The following PFKL variants were observed in gnomAD, a reference collection of about 807,000 sequenced individuals.
The protein encoded by PFKL is phosphofructokinase, liver type.
PFKL carries 74 observed loss-of-function variants against 92.1 expected under a neutral mutation model. The ratio of observed to expected loss-of-function variants is 0.80; its 90% CI spans 0.67 to 0.97. PFKL has a LOEUF of 0.97. PFKL is among the 50% of genes least tolerant of loss of function. PFKL has a pLI of 0.00. For missense variants in PFKL, 1,028 were observed against 1,116.6 expected (o/e 0.92, Z 1.13); for synonymous variants, 494 against 456.4 (o/e 1.08, Z -1.05).
chr21:44,306,559 C>T, intron 1 of PFKL, 122 bp from the exon 2 acceptor site: 1 of 792,780 alleles, frequency 1.3e-6, no homozygotes, highest in South Asian at 1.6e-5. Flanking sequence ...TCCCCCACCA[C>T]CCGCCCTCTG....
intron 1 of PFKL, 30 bp downstream of exon 1, chr21:44,300,220 G>A: frequency 9.7e-7 from 1 of 1,032,814 alleles, no homozygotes. Context: ...GCGTCGCGGC[G>A]CAGGGGGTGG....
Position 44,325,985 on chromosome 21 carries a change from C to T in PFKL, c.2014C>T (p.Arg672Trp), listed in dbSNP as rs1568974618. 6.2e-6 allele frequency: 10 copies of T among 1,613,714 alleles called. No homozygotes were observed. The highest frequency in any genetic ancestry group is 1.7e-5 in the Admixed American group (1 of 60,004). Residue 672 changes from arginine to tryptophan, a missense_variant, in exon 20 of 22, where the codon CGG becomes TGG. Arg to Trp is a moderately radical substitution (Grantham distance 101, BLOSUM62 -3). Transcript: ENST00000349048. Reference sequence around the variant, plus strand: ...GGGTGGCGCTCCAACCCCCTTTGACCGGAACTATGGGACCAAGCTGGGGGT... The same window carrying T: ...GGGTGGCGCTCCAACCCCCTTTGACTGGAACTATGGGACCAAGCTGGGGGT... ...QQGGAPTPFD[R>W]NYGTKLGVKA...
At chr21:44,320,041 G>T in intron 11 of PFKL, 43 bp from the exon 12 acceptor site, 2 of 1,570,094 alleles carry the variant, frequency 1.3e-6, no homozygotes, top group South Asian at 1.1e-5. Flanking sequence ...TGTACGCCGT[G>T]GCGCTGCAGG....
chr21:44,300,809 C>G (rs2040753583), intron 1 of PFKL, among the ~76,000 whole-genome samples: 1 of 152,218 alleles, frequency 6.6e-6, no homozygotes, highest in Admixed American at 6.5e-5. Context: ...GGGACTGGGA[C>G]TTGGCAGAGC....
intron 1 of PFKL, among the ~76,000 whole-genome samples, chr21:44,304,732 CGGGGGGCTCGGCTGTCT>C (rs369486464): frequency 0.067 from 4,726 of 70,486 alleles, 424 homozygotes; most frequent in African/African-American, 0.24. Flanking sequence ...TGGCTGTCTG[CGGGGGGCTCGGCTGTCT>C]GGGGGGCTCG....
chr21:44,311,203 GACAC>G (rs1157476338), intron 3 of PFKL, 120 bp downstream of exon 3: 13 of 703,038 alleles, frequency 1.8e-5, no homozygotes, highest in Non-Finnish European at 2.9e-5. Flanking sequence ...CACACATGCA[GACAC>G]ACAGACATGC....
chr21:44,301,532 G>A (rs1037486561), intron 1 of PFKL, among the ~76,000 whole-genome samples: 3 of 152,218 alleles, frequency 2.0e-5, no homozygotes, highest in Non-Finnish European at 4.4e-5. Context: ...GGCCGGGTGC[G>A]GTGGCTCACA....
At chr21:44,300,961 C>T (rs1016854593) in intron 1 of PFKL, among the ~76,000 whole-genome samples, 1 of 152,190 alleles carries the variant, frequency 6.6e-6, no homozygotes, top group African/African-American at 2.4e-5. Flanking sequence ...CCTACCCTAC[C>T]CCTCAGGAGG....
intron 1 of PFKL, among the ~76,000 whole-genome samples, chr21:44,301,272 G>A (rs991081264): frequency 6.6e-6 from 1 of 152,178 alleles, no homozygotes; most frequent in African/African-American, 2.4e-5. Context: ...TTCAGACCTG[G>A]CTGAGCCAGG....
At chr21:44,321,708 C>T in intron 12 of PFKL, 21 bp from the exon 13 acceptor site, 1 of 1,531,244 alleles carries the variant, frequency 6.5e-7, no homozygotes, top group South Asian at 1.3e-5. Flanking sequence ...GCCTCACGCT[C>T]ATCTCCCCTT....
At chr21:44,307,854 C>G (rs1236172576) in intron 2 of PFKL, among the ~76,000 whole-genome samples, 1 of 152,164 alleles carries the variant, frequency 6.6e-6, no homozygotes, top group Non-Finnish European at 1.5e-5. Context: ...CCTTCAGTTT[C>G]TTCTTCTAAG....
chr21:44,302,991 G>C (rs1444039146), intron 1 of PFKL, among the ~76,000 whole-genome samples: 1 of 152,182 alleles, frequency 6.6e-6, no homozygotes, highest in Non-Finnish European at 1.5e-5. Flanking sequence ...CCAGCACTTT[G>C]GGAGGCTGAG....
chr21:44,324,798 C>T, intron 17 of PFKL, 58 bp from the exon 18 acceptor site: 1 of 1,588,456 alleles, frequency 6.3e-7, no homozygotes, highest in Non-Finnish European at 8.6e-7. Context: ...GATCGCCGGT[C>T]AGCCTGGAAT....
chr21:44,306,701 G>A lies in PFKL; in HGVS notation c.106G>A (p.Ala36Thr), dbSNP rs774879055. Residue 36 changes from alanine to threonine, a missense_variant, in exon 2 of 22, where the codon GCT (alanine) becomes ACT (threonine). Ala to Thr is a moderately conservative substitution (Grantham distance 58). Coordinates refer to ENST00000349048, the MANE Select transcript of PFKL (RefSeq NM_002626.6). Reference protein sequence around the residue: ...DAQGMNAAVRAVTRMGIYVGA... With the variant: ...DAQGMNAAVRTVTRMGIYVGA... The stretch of plus-strand genomic sequence containing the variant: ...CACAGGCATGAACGCTGCTGTCCGG[G>A]CTGTGACGCGCATGGGCATTTATGT... 2 of 1,613,838 alleles carry A rather than the reference G, an allele frequency of 1.2e-6. No individual in the cohort carries two copies. Among genetic ancestry groups the A allele is most frequent in the Admixed American group, 1.7e-5 (1 of 59,986 alleles).
At chr21:44,300,330 C>A in intron 1 of PFKL, 140 bp downstream of exon 1, 1 of 218,058 alleles carries the variant, frequency 4.6e-6, no homozygotes, top group Non-Finnish European at 7.6e-6. Flanking sequence ...GCCCCGGCCT[C>A]CTGCCCCGGG....
intron 3 of PFKL, among the ~76,000 whole-genome samples, chr21:44,311,345 G>C (rs1309508043): frequency 6.7e-6 from 1 of 150,000 alleles, no homozygotes; most frequent in Non-Finnish European, 1.5e-5. Context: ...CACACATACA[G>C]ACACACAGAC....
chr21:44,306,544 G>A, intron 1 of PFKL, 137 bp from the exon 2 acceptor site: 2 of 706,372 alleles, frequency 2.8e-6, no homozygotes, highest in Non-Finnish European at 4.9e-6. Context: ...GGGTGACCAG[G>A]GCCTTCCCCC....
chr21:44,306,718 C>T lies in PFKL; in HGVS notation c.123C>T (p.Gly41=), dbSNP rs765142631. ...NAAVRAVTRM[G]IYVGAKVFLI... Reference sequence around the variant, plus strand: ...CTGTCCGGGCTGTGACGCGCATGGGCATTTATGTGGGTGCCAAAGTCTTCC... The same window carrying T: ...CTGTCCGGGCTGTGACGCGCATGGGTATTTATGTGGGTGCCAAAGTCTTCC... The change falls in exon 2 of 22, where the codon GGC becomes GGT. Residue 41 remains glycine (G), a synonymous_variant. Transcript: ENST00000349048. 6.2e-7 allele frequency: 1 copy of T among 1,613,886 alleles called. No individual in the cohort carries two copies. The highest frequency in any genetic ancestry group is 8.5e-7 in the Non-Finnish European group (1 of 1,179,922).
At chr21:44,313,716 C>A (rs200820766) in intron 6 of PFKL, 34 bp downstream of exon 6, 2 of 1,597,648 alleles carry the variant, frequency 1.3e-6, no homozygotes, top group Admixed American at 3.4e-5. Flanking sequence ...CTGGGTGGCC[C>A]GGGTGCTGCT....
Sources: allele counts gnomAD v4.1 joint callset (sites outside exome capture counted in the v4.1 genomes callset), GRCh38; gene constraint gnomAD v4.1.1; transcripts MANE v1.5; gene names NCBI Gene and HGNC (gene_info 2026-07-23, HGNC 2026-07-21).